OLFM2: variants seen among roughly 807,000 people sequenced by gnomAD.
The protein encoded by OLFM2 is noelin-2.
In OLFM2, 20 loss-of-function variants were observed where a neutral mutation model predicts 43.9. The ratio of observed to expected loss-of-function variants is 0.46; its 90% CI spans 0.32 to 0.66. OLFM2 has a LOEUF of 0.66. Among genes scored for constraint, OLFM2 ranks in the 30% least tolerant of loss-of-function variants. OLFM2 has a pLI of 0.04. For missense variants in OLFM2, 416 were observed against 643.6 expected, an observed-to-expected ratio of 0.65 and a Z score of 3.83; for synonymous variants, 268 against 278.6, an observed-to-expected ratio of 0.96 and a Z score of 0.38.
At chr19:9,886,931 G>C (rs983817852) in intron 1 of OLFM2, among the ~76,000 whole-genome samples, 5 of 151,974 alleles carry the variant, frequency 3.3e-5, no homozygotes, top group Non-Finnish European at 7.4e-5. Flanking sequence ...TGATCTGCCT[G>C]CCTCGGCCTC....
intron 1 of OLFM2, among the ~76,000 whole-genome samples, chr19:9,862,196 C>A (rs745839251): frequency 6.6e-6 from 1 of 152,048 alleles, no homozygotes; most frequent in Non-Finnish European, 1.5e-5. Context: ...ACTTCTAGAA[C>A]CACATGCTGC....
intron 1 of OLFM2, among the ~76,000 whole-genome samples, chr19:9,890,565 A>G (rs1360282595): frequency 6.6e-6 from 1 of 152,214 alleles, no homozygotes; most frequent in African/African-American, 2.4e-5. Flanking sequence ...TCTCTTAGGC[A>G]CATGATGGGG....
Position 9,854,597 on chromosome 19 carries a change from G to C in OLFM2, c.954C>G (p.Gly318=). The C allele has an allele frequency of 6.2e-7, 1 of 1,614,064 alleles. No individual in the cohort carries two copies. The highest frequency in any genetic ancestry group is 8.5e-7 in the Non-Finnish European group (1 of 1,180,024). The change falls in exon 6 of 6, where the codon GGC becomes GGG. Residue 318 remains glycine (G), a synonymous_variant. Coordinates refer to ENST00000264833, the MANE Select transcript of OLFM2 (RefSeq NM_058164.4). This position sits in a 1 kb window ranked among gnomAD's most constrained non-coding sequence, Gnocchi z 9.5. Reference sequence around the variant, plus strand: ...CCATGAAGTCCATGTCGGAGAAGCCGCCCCAGGAGTAGGGGAAGGTGTTGT... The same window carrying C: ...CCATGAAGTCCATGTCGGAGAAGCCCCCCCAGGAGTAGGGGAAGGTGTTGT... ...GYNNTFPYSW[G]GFSDMDFMVD...
chr19:9,879,541 A>T (rs1599476982), intron 1 of OLFM2, among the ~76,000 whole-genome samples: 1 of 152,154 alleles, frequency 6.6e-6, no homozygotes, highest in South Asian at 2.1e-4. Context: ...CATGAATGTC[A>T]GTTTCCTGAG....
Position 9,876,704 on chromosome 19 carries a change from C to T in OLFM2, c.64-15910G>A, listed in dbSNP as rs959001856. On this transcript the variant is annotated intron_variant, in intron 1 of 5. Transcript: ENST00000264833. ...TCGAGCCTCAGGTCTGCCGTGTGACCTTGGGCTACTGACTTAACCATCCTG... is the reference window on the plus strand; with the variant it reads ...TCGAGCCTCAGGTCTGCCGTGTGACTTTGGGCTACTGACTTAACCATCCTG... 2.6e-5 allele frequency among the ~76,000 whole-genome samples: 4 copies of T among 152,140 alleles called. No individual in the cohort carries two copies. In the East Asian group the frequency reaches 7.7e-4, roughly 29 times the overall value.
chr19:9,924,917 T>C (rs912484027), intron 1 of OLFM2, among the ~76,000 whole-genome samples: 1 of 151,752 alleles, frequency 6.6e-6, no homozygotes, highest in African/African-American at 2.4e-5. Flanking sequence ...CGTGTATATA[T>C]ATAGATATGA....
intron 1 of OLFM2, among the ~76,000 whole-genome samples, chr19:9,881,364 C>T (rs1240191460): frequency 1.3e-5 from 2 of 152,094 alleles, no homozygotes; most frequent in East Asian, 3.9e-4. Flanking sequence ...GTAGCCTGAC[C>T]GGGCAGGGCT....
chr19:9,906,745 C>T (rs915651290), intron 1 of OLFM2, among the ~76,000 whole-genome samples: 1 of 152,140 alleles, frequency 6.6e-6, no homozygotes, highest in Admixed American at 6.6e-5. Context: ...ACAAACCTCC[C>T]CTCTGCCTTT....
At chr19:9,893,517 C>T (rs946463584) in intron 1 of OLFM2, among the ~76,000 whole-genome samples, 1 of 116,026 alleles carries the variant, frequency 8.6e-6, no homozygotes, top group Non-Finnish European at 2.0e-5. Context: ...TGTTCCAGGA[C>T]TTGAGTGAAC....
chr19:9,921,398 C>T (rs1178663337), intron 1 of OLFM2, among the ~76,000 whole-genome samples: 3 of 152,070 alleles, frequency 2.0e-5, no homozygotes, highest in Non-Finnish European at 2.9e-5. Flanking sequence ...GGAAGACAGG[C>T]ATGAGCCACT....
intron 1 of OLFM2, chr19:9,913,789 GCGGGCTGCGGCT>G (rs2046850783): frequency 5.7e-6 from 3 of 526,190 alleles, no homozygotes; most frequent in Non-Finnish European, 7.4e-6. Flanking sequence ...GCTCGGGGAC[GCGGGCTGCGGCT>G]CGGCGCGCCT....
chr19:9,904,304 CCT>C (rs2046767223), intron 1 of OLFM2, among the ~76,000 whole-genome samples: 1 of 151,810 alleles, frequency 6.6e-6, no homozygotes. Context: ...GATTCTCCTG[CCT>C]CAGCCTCCCA....
intron 1 of OLFM2, among the ~76,000 whole-genome samples, chr19:9,885,807 G>A (rs949090615): frequency 7.2e-5 from 11 of 151,994 alleles, no homozygotes; most frequent in African/African-American, 2.7e-4. Context: ...TTTCAATTAT[G>A]TGCTCCACAG....
chr19:9,872,329 T>C (rs1451109950), intron 1 of OLFM2, among the ~76,000 whole-genome samples: 1 of 152,042 alleles, frequency 6.6e-6, no homozygotes, highest in African/African-American at 2.4e-5. Context: ...CTGGGCAATA[T>C]GGTAAGACCC....
intron 1 of OLFM2, among the ~76,000 whole-genome samples, chr19:9,871,432 G>C (rs1435245783): frequency 6.6e-6 from 1 of 151,632 alleles, no homozygotes; most frequent in African/African-American, 2.4e-5. Flanking sequence ...AATTAGCCAG[G>C]TGTGCTGGTG....
rs185007062 is a variant in OLFM2 at position 9,918,969 on chromosome 19, G to A, written c.63+17335C>T. Among the ~76,000 whole-genome samples, 195 of 152,196 alleles carry A rather than the reference G, an allele frequency of 1.3e-3. 1 individual carries two copies. The highest frequency in any genetic ancestry group is 2.1e-3 in the Admixed American group (32 of 15,274). ...TGGCTGCACAACTCTGTAAATTTAC[G>A]AAAAGTCACTCAATTGCACGCTTAC... On this transcript the variant is annotated intron_variant, in intron 1 of 5. Coordinates refer to ENST00000264833, the MANE Select transcript of OLFM2 (RefSeq NM_058164.4).
Position 9,857,078 on chromosome 19 carries a change from G to T in OLFM2, c.581-165C>A. 1.2e-6 allele frequency: 1 copy of T among 804,596 alleles called. No individual in the cohort carries two copies. The highest frequency in any genetic ancestry group is 1.7e-5 in the South Asian group (1 of 60,394). The allele number at this position is 804,596 out of a possible 1,614,324, so 49.8% of individuals were successfully genotyped here. ...TTGTTCAGTTGTGAGTGAGGGGTTA[G>T]AGGCCAAGGGTCAGGGCCATTTCCA... On this transcript the variant is annotated intron_variant, in intron 4 of 5. Coordinates refer to ENST00000264833, the MANE Select transcript of OLFM2 (RefSeq NM_058164.4). This position sits in a 1 kb window ranked among gnomAD's most constrained non-coding sequence, Gnocchi z 5.7.
intron 1 of OLFM2, among the ~76,000 whole-genome samples, chr19:9,918,462 G>C (rs546463545): frequency 6.6e-6 from 1 of 152,300 alleles, no homozygotes; most frequent in East Asian, 1.9e-4. Context: ...AAAATGCTGG[G>C]ATTGTAGGCA....
chr19:9,854,377 C>A lies in OLFM2; in HGVS notation c.1174G>T (p.Val392Phe). ...VTNSHLAGAK[V>F]YFAYFTNTSS... ...GTGTTGGTAAAATAGGCGAAGTAGA[C>A]CTTGGCCCCAGCCAGGTGGGAGTTG... The change falls in exon 6 of 6, where the codon GTC becomes TTC. Residue 392 changes from valine (V) to phenylalanine (F), a missense_variant. Coordinates refer to ENST00000264833, the MANE Select transcript of OLFM2 (RefSeq NM_058164.4). This position sits in a 1 kb window ranked among gnomAD's most constrained non-coding sequence, Gnocchi z 9.5. 6.2e-7 allele frequency: 1 copy of A among 1,614,206 alleles called. No individual in the cohort carries two copies. Among genetic ancestry groups the A allele is most frequent in the South Asian group, 1.1e-5 (1 of 91,084 alleles).
Sources: allele counts gnomAD v4.1 joint callset (sites outside exome capture counted in the v4.1 genomes callset), GRCh38; gene constraint gnomAD v4.1.1; non-coding constraint Gnocchi (gnomAD v3.1); transcripts MANE v1.5; gene names NCBI Gene and HGNC (gene_info 2026-07-23, HGNC 2026-07-21).